Variants in SERGEF observed in about 807,000 individuals in gnomAD.
SERGEF encodes the protein secretion regulating guanine nucleotide exchange factor, also known as secretion-regulating guanine nucleotide exchange factor.
A neutral mutation model predicts 50.0 loss-of-function variants in SERGEF; 51 were observed. That is an observed-to-expected ratio of 1.02 (90% CI 0.81 to 1.29). The LOEUF (loss-of-function observed/expected upper bound fraction) is 1.29, where lower values mean the gene tolerates loss of function less well. SERGEF is among the 50% of genes most tolerant of loss of function. The probability of loss-of-function intolerance (pLI) is 0.00; values close to 1 mark genes in which losing one functional copy is unlikely to be tolerated. For missense variants in SERGEF, 521 were observed against 557.0 expected (o/e 0.94, Z 0.65); for synonymous variants, 205 against 212.4 (o/e 0.97, Z 0.30).
chr11:17,945,767 A>T (rs530246350), intron 9 of SERGEF, among the ~76,000 whole-genome samples: 90 of 152,050 alleles, frequency 5.9e-4, no homozygotes, highest in Non-Finnish European at 1.2e-3. Flanking sequence ...ACCAACATGG[A>T]GAAACCCCAT....
intron 8 of SERGEF, among the ~76,000 whole-genome samples, chr11:17,972,989 C>T (rs944765397): frequency 4.6e-5 from 7 of 151,066 alleles, no homozygotes; most frequent in Admixed American, 3.3e-4. Flanking sequence ...GTTTCCATCT[C>T]TGTGAAGTTA....
intron 9 of SERGEF, among the ~76,000 whole-genome samples, chr11:17,942,475 C>T (rs1001378280): frequency 3.3e-5 from 5 of 152,038 alleles, no homozygotes; most frequent in African/African-American, 1.2e-4. Context: ...TTGTACCTTG[C>T]TAAATTGCCA....
At chr11:18,012,787 G>A in intron 1 of SERGEF, 164 bp downstream of exon 1, 57 of 699,876 alleles carry the variant, frequency 8.1e-5, no homozygotes, top group Non-Finnish European at 1.2e-4. Context: ...CCGCCCGCCC[G>A]CTCCTCCTCC....
chr11:17,842,279 T>C (rs1850516947), intron 10 of SERGEF, among the ~76,000 whole-genome samples: 1 of 152,204 alleles, frequency 6.6e-6, no homozygotes, highest in African/African-American at 2.4e-5. Context: ...AACAGGTCCC[T>C]TTCTAATAGT....
At chr11:17,868,863 T>A (rs1391411560) in intron 10 of SERGEF, among the ~76,000 whole-genome samples, 1 of 152,172 alleles carries the variant, frequency 6.6e-6, no homozygotes, top group Non-Finnish European at 1.5e-5. Context: ...ACTTATTCAC[T>A]ATCATGAGAA....
chr11:17,825,115 C>T (rs1200751684), intron 10 of SERGEF, among the ~76,000 whole-genome samples: 6 of 152,158 alleles, frequency 3.9e-5, no homozygotes, highest in Non-Finnish European at 7.4e-5. Flanking sequence ...CACTTTCATC[C>T]ATTCAACTGA....
At chr11:17,955,650 G>A (rs1487078983) in intron 9 of SERGEF, among the ~76,000 whole-genome samples, 1 of 152,156 alleles carries the variant, frequency 6.6e-6, no homozygotes, top group Non-Finnish European at 1.5e-5. Context: ...ATTTCATCTT[G>A]GAAACACAAA....
At chr11:17,881,445 G>A (rs919160106) in intron 9 of SERGEF, among the ~76,000 whole-genome samples, 2 of 152,174 alleles carry the variant, frequency 1.3e-5, no homozygotes, top group Admixed American at 6.5e-5. Flanking sequence ...TGGCATAGAG[G>A]TCAGGACACT....
Position 17,884,776 on chromosome 11 carries a change from G to GA in SERGEF, c.1012-6533dup, listed in dbSNP as rs1273063891. ...AAAAGCACATTGTATGTATGCCTGT[G>GA]AAAAAAATGAGCTTGAACTAGGTTC... is the stretch of plus-strand genomic sequence containing the variant. On this transcript the variant is annotated intron_variant, in intron 9 of 10. Coordinates refer to ENST00000265965, the MANE Select transcript of SERGEF (RefSeq NM_012139.4). This position sits in a 1 kb window ranked among gnomAD's most constrained non-coding sequence, Gnocchi z 4.6. Among the ~76,000 whole-genome samples, 9 of 152,128 alleles carry GA rather than the reference G, an allele frequency of 5.9e-5. No individual in the cohort carries two copies. Among genetic ancestry groups the GA allele is most frequent in the Non-Finnish European group, 1.3e-4 (9 of 68,006 alleles).
chr11:17,863,171 T>C (rs941485186), intron 10 of SERGEF, among the ~76,000 whole-genome samples: 2 of 152,246 alleles, frequency 1.3e-5, no homozygotes, highest in East Asian at 3.8e-4. Flanking sequence ...TGCATGGTGA[T>C]AACTAAGTGA....
chr11:17,810,961 T>A (rs1849859871), intron 10 of SERGEF, among the ~76,000 whole-genome samples: 1 of 152,202 alleles, frequency 6.6e-6, no homozygotes. Flanking sequence ...GCATCCAGTA[T>A]CAGTGTTCTA....
At chr11:17,802,511 A>C (rs1849690022) in intron 10 of SERGEF, among the ~76,000 whole-genome samples, 1 of 152,146 alleles carries the variant, frequency 6.6e-6, no homozygotes, top group Non-Finnish European at 1.5e-5. Context: ...TCTAGCTCAG[A>C]AGAAAATACC....
intron 10 of SERGEF, among the ~76,000 whole-genome samples, chr11:17,843,236 G>A (rs1175047458): frequency 6.6e-6 from 1 of 152,152 alleles, no homozygotes; most frequent in African/African-American, 2.4e-5. Context: ...GAACTATATT[G>A]TCATCCTCTG....
chr11:17,926,792 T>C (rs1374103486), intron 9 of SERGEF: 2 of 456,140 alleles, frequency 4.4e-6, no homozygotes, highest in Non-Finnish European at 4.4e-6. Flanking sequence ...GAGGGCCTCC[T>C]GAGACCAGAG....
intron 8 of SERGEF, among the ~76,000 whole-genome samples, chr11:17,975,198 T>G (rs1230394644): frequency 2.6e-5 from 4 of 152,236 alleles, no homozygotes; most frequent in Non-Finnish European, 5.9e-5. Flanking sequence ...AGTACCCAAG[T>G]AGAGTGAGCC....
chr11:17,819,969 C>G (rs1433118932), intron 10 of SERGEF, among the ~76,000 whole-genome samples: 1 of 152,130 alleles, frequency 6.6e-6, no homozygotes, highest in Admixed American at 6.5e-5. Flanking sequence ...TCCAGGGGAG[C>G]TGGGACTAAA....
At chr11:17,869,563 A>G (rs957042632) in intron 10 of SERGEF, among the ~76,000 whole-genome samples, 2 of 152,148 alleles carry the variant, frequency 1.3e-5, no homozygotes, top group Non-Finnish European at 2.9e-5. Context: ...CACCTTTTAA[A>G]TGTCCTCACA....
intron 9 of SERGEF, among the ~76,000 whole-genome samples, chr11:17,881,797 C>CTT: frequency 6.6e-6 from 1 of 152,256 alleles, no homozygotes; most frequent in East Asian, 1.9e-4. Flanking sequence ...ACAATTTATC[C>CTT]CCTTACAGCC....
intron 10 of SERGEF, among the ~76,000 whole-genome samples, chr11:17,811,223 A>C (rs985999786): frequency 1.3e-5 from 2 of 152,264 alleles, no homozygotes; most frequent in African/African-American, 4.8e-5. Context: ...CACACAGTAC[A>C]TTAGGGTTAC....
Sources: gnomAD v4.1 joint callset for allele counts (sites outside exome capture counted in the v4.1 genomes callset) on GRCh38, gnomAD v4.1.1 for gene constraint, Gnocchi (gnomAD v3.1) non-coding constraint, MANE v1.5 for transcripts, NCBI Gene and HGNC (gene_info 2026-07-23, HGNC 2026-07-21) for gene names.